The following IARS1 variants were observed in gnomAD, a reference collection of about 807,000 sequenced individuals.
IARS1 encodes isoleucine--tRNA ligase, cytoplasmic.
In IARS1, 124 loss-of-function variants were observed where a neutral mutation model predicts 168.2. The observed-to-expected ratio is 0.74, with a 90% CI of 0.64 to 0.86. The LOEUF (loss-of-function observed/expected upper bound fraction) is 0.86, where lower values mean the gene tolerates loss of function less well. IARS1 is among the 40% of genes least tolerant of loss of function. IARS1 has a pLI of 0.00. For missense variants in IARS1, 1,452 were observed against 1,515.8 expected, an observed-to-expected ratio of 0.96 and a Z score of 0.70; for synonymous variants, 532 against 529.4, an observed-to-expected ratio of 1.00 and a Z score of -0.07.
chr9:92,216,078 C>G (rs923608945), intron 33 of IARS1, among the ~76,000 whole-genome samples: 2 of 151,522 alleles, frequency 1.3e-5, no homozygotes, highest in African/African-American at 4.9e-5. Flanking sequence ...GATCTCTCGG[C>G]AGAAACCCTA....
At chr9:92,228,719 C>T (rs1334634984) in intron 31 of IARS1, among the ~76,000 whole-genome samples, 1 of 152,058 alleles carries the variant, frequency 6.6e-6, no homozygotes, top group Non-Finnish European at 1.5e-5. Context: ...GTCTCAAAAA[C>T]AAAAACAACC....
intron 26 of IARS1, among the ~76,000 whole-genome samples, chr9:92,246,732 G>A (rs1259727311): frequency 6.6e-6 from 1 of 152,086 alleles, no homozygotes; most frequent in Non-Finnish European, 1.5e-5. Context: ...GTATGTGCCT[G>A]TAGTGATCTC....
intron 8 of IARS1, 47 bp from the exon 9 acceptor site, chr9:92,277,970 T>A: frequency 1.3e-6 from 2 of 1,555,690 alleles, no homozygotes; most frequent in Non-Finnish European, 1.8e-6. Flanking sequence ...AAATCAAATA[T>A]GAGGCTGCAG....
intron 31 of IARS1, among the ~76,000 whole-genome samples, chr9:92,228,340 A>G (rs1422788960): frequency 6.6e-6 from 1 of 152,068 alleles, no homozygotes; most frequent in Admixed American, 6.5e-5. Flanking sequence ...GAATGCATCT[A>G]TAATTCTTTA....
At chr9:92,293,343 C>T in intron 1 of IARS1, 1 of 333,132 alleles carries the variant, frequency 3.0e-6, no homozygotes, top group Non-Finnish European at 6.4e-6. Context: ...TAAATTAAGA[C>T]ATATAAAAAT....
chr9:92,222,817 T>C, intron 32 of IARS1, 145 bp from the exon 33 acceptor site: 1 of 631,194 alleles, frequency 1.6e-6, no homozygotes, highest in African/African-American at 1.9e-5. Context: ...GAAGATGCAG[T>C]CCATGCAGAA....
chr9:92,231,422 T>TA (rs1417408887), intron 30 of IARS1, among the ~76,000 whole-genome samples: 1 of 151,246 alleles, frequency 6.6e-6, no homozygotes, highest in Non-Finnish European at 1.5e-5. Context: ...TTCTTTTTTT[T>TA]TTTTTTTTGA....
chr9:92,247,322 A>G, intron 26 of IARS1, 55 bp downstream of exon 26: 1 of 1,524,174 alleles, frequency 6.6e-7, no homozygotes, highest in East Asian at 2.3e-5. Flanking sequence ...GTAGCCTAAA[A>G]AGTATCCCTC....
intron 6 of IARS1, among the ~76,000 whole-genome samples, chr9:92,283,070 G>A (rs1834889447): frequency 6.6e-6 from 1 of 151,932 alleles, no homozygotes; most frequent in Admixed American, 6.6e-5. Flanking sequence ...GCCCAGGTCG[G>A]CCTCCAAAAG....
At chr9:92,235,812 A>C (rs562019589) in intron 30 of IARS1, among the ~76,000 whole-genome samples, 1 of 151,700 alleles carries the variant, frequency 6.6e-6, no homozygotes, top group Non-Finnish European at 1.5e-5. Flanking sequence ...GGCGTGACCC[A>C]CCTCGCCTGG....
At chr9:92,243,515 G>A (rs1267631109) in intron 27 of IARS1, 2 of 456,750 alleles carry the variant, frequency 4.4e-6, no homozygotes, top group Admixed American at 3.6e-5. Flanking sequence ...GGAGAAAGGT[G>A]TGCAGGTTTT....
chr9:92,251,004 G>C, intron 22 of IARS1, 170 bp from the exon 23 acceptor site: 1 of 679,098 alleles, frequency 1.5e-6, no homozygotes, highest in South Asian at 1.7e-5. Context: ...TCATATCCCT[G>C]AAGCATAGCT....
At chr9:92,282,349 C>G (rs1371489425) in intron 6 of IARS1, among the ~76,000 whole-genome samples, 1 of 151,884 alleles carries the variant, frequency 6.6e-6, no homozygotes, top group African/African-American at 2.4e-5. Flanking sequence ...GTCACCCAAG[C>G]TGGAGTGCAG....
At chr9:92,246,699 AC>A (rs1424162090) in intron 26 of IARS1, among the ~76,000 whole-genome samples, 2 of 152,082 alleles carry the variant, frequency 1.3e-5, no homozygotes, top group Non-Finnish European at 2.9e-5. Flanking sequence ...GGCACATACC[AC>A]CACATCTGGC....
At position 92,256,515 on chromosome 9, in the gene IARS1, AGATAT is replaced by A. The variant is rs1382732207; in HGVS notation, c.2137+160_2137+164del. ...AGAAGTCCCCAGGGTCTTGAAACAA[AGATAT>A]CACGACAATTAACAAGCCTTAACAA... is the stretch of plus-strand genomic sequence containing the variant. On this transcript the variant is annotated intron_variant, in intron 20 of 33. Transcript: ENST00000443024. 1.8e-5 allele frequency: 12 copies of A among 657,896 alleles called. No homozygotes were observed. In the African/African-American group the frequency reaches 2.0e-4, roughly 11 times the overall value. The allele number at this position is 657,896 out of a possible 1,614,324, so 40.8% of individuals were successfully genotyped here. A position where few individuals can be genotyped will look rare whatever the true frequency, so the allele number is the denominator to read the frequency against.
At chr9:92,289,466 T>C (rs979434668) in intron 1 of IARS1, 40 bp from the exon 2 acceptor site, 1 of 875,276 alleles carries the variant, frequency 1.1e-6, no homozygotes, top group Non-Finnish European at 2.0e-6. Context: ...AAAAGAGAAA[T>C]CTAGGAATAA....
Position 92,210,907 on chromosome 9 carries a change from AGTTG to A in IARS1, c.3707-22_3707-19del. 6.6e-7 allele frequency: 1 copy of A among 1,518,018 alleles called. No homozygotes were observed. The highest frequency in any genetic ancestry group is 1.4e-5 in the African/African-American group (1 of 73,204). 94.0% of individuals were successfully genotyped at this position (1,518,018 alleles called of 1,614,324 possible). ...TGTAATTTCTAGAATGGAAAGAAAA[AGTTG>A]AAAAAAAATCAGTATTTTACCTATT... On this transcript the variant is annotated intron_variant, in intron 33 of 33. Transcript: ENST00000443024.
intron 20 of IARS1, 66 bp downstream of exon 20, chr9:92,256,614 T>C: frequency 2.8e-6 from 4 of 1,432,162 alleles, no homozygotes; most frequent in South Asian, 1.4e-5. Context: ...CACTATTAAA[T>C]ATCAAAAGGG....
In IARS1 at chr9:92,245,001, G is replaced by A. The variant is rs758239289; in HGVS notation, c.2862C>T (p.Ala954=). 2.5e-6 allele frequency: 4 copies of A among 1,614,090 alleles called. No homozygotes were observed. Among genetic ancestry groups the A allele is most frequent in the Non-Finnish European group, 3.4e-6 (4 of 1,180,010 alleles). Residue 954 remains alanine, a synonymous_variant, in exon 27 of 34, where the codon GCC becomes GCT. Coordinates refer to ENST00000443024, the MANE Select transcript of IARS1 (RefSeq NM_002161.6). ...DIRLMYTFDQ[A]TGGTAQFEAH... ...CTTCAAATTGCGCAGTCCCACCTGT[G>A]GCCTGATCAAAGGTGTACATGAGGC...
Sources: gnomAD v4.1 joint callset for allele counts (sites outside exome capture counted in the v4.1 genomes callset) on GRCh38, gnomAD v4.1.1 for gene constraint, MANE v1.5 for transcripts, NCBI Gene and HGNC (gene_info 2026-07-23, HGNC 2026-07-21) for gene names.